Variants in FGFR2 observed in about 807,000 individuals in gnomAD.
FGFR2 encodes BEK fibroblast growth factor receptor.
A neutral mutation model predicts 95.9 loss-of-function variants in FGFR2; 19 were observed. The observed-to-expected ratio is 0.20, with a 90% confidence interval of 0.14 to 0.29. The LOEUF is 0.29. FGFR2 is among the 10% of genes least tolerant of loss of function. The pLI, the probability that FGFR2 is intolerant of heterozygous loss-of-function variation, is 1.00. For synonymous variants in FGFR2, 392 were observed against 393.3 expected (o/e 1.00, Z 0.04); for missense variants, 707 against 1,056.9 (o/e 0.67, Z 4.59).
At chr10:121,490,206 C>T (rs1391663613) in intron 13 of FGFR2, among the ~76,000 whole-genome samples, 5 of 128,182 alleles carry the variant, frequency 3.9e-5, no homozygotes, top group African/African-American at 1.5e-4. Context: ...TCTTGTTTCC[C>T]AGGCTAGAGT....
At chr10:121,578,330 C>A (rs1248227579) in intron 2 of FGFR2, among the ~76,000 whole-genome samples, 1 of 152,204 alleles carries the variant, frequency 6.6e-6, no homozygotes, top group South Asian at 2.1e-4. Context: ...TTCCCTCTAC[C>A]TACAAGCCCA....
chr10:121,503,888 T>A lies in FGFR2; in HGVS notation c.1341A>T (p.Ile447=), dbSNP rs2134061768. The change falls in exon 10 of 18, where the codon ATA becomes ATT. Residue 447 remains isoleucine, a synonymous_variant. Coordinates refer to ENST00000358487, the MANE Select transcript of FGFR2 (RefSeq NM_000141.5). ...SMNSNTPLVR[I]TTRLSSTADT... ...CTGCCGTTGAAGAGAGGCGTGTTGT[T>A]ATCCTCACCAGCGGGGTGTTGGAGT... The A allele has an allele frequency of 1.2e-6, 2 of 1,614,128 alleles. No homozygotes were observed. The highest frequency in any genetic ancestry group is 1.7e-6 in the Non-Finnish European group (2 of 1,180,014).
Position 121,569,129 on chromosome 10 carries a change from C to T in FGFR2, c.110-3425G>A, listed in dbSNP as rs529439987. The stretch of plus-strand genomic sequence containing the variant: ...TCACTATTACTGTTACTCTTCAAGG[C>T]GGAAGATGCTTGCCGTGATTTTTTA... On this transcript the variant is annotated intron_variant, in intron 2 of 17. Coordinates refer to ENST00000358487, the MANE Select transcript of FGFR2 (RefSeq NM_000141.5). Among the ~76,000 whole-genome samples, 11 of 152,136 alleles carry T rather than the reference C, an allele frequency of 7.2e-5. 1 individual carries two copies. The highest frequency in any genetic ancestry group is 2.1e-4 in the South Asian group (1 of 4,812).
intron 3 of FGFR2, 151 bp downstream of exon 3, chr10:121,565,287 G>T: frequency 1.1e-6 from 1 of 916,482 alleles, no homozygotes. Flanking sequence ...GGCCTTTCTG[G>T]TGCACCAGGT....
chr10:121,564,530 A>G lies in FGFR2; in HGVS notation c.426T>C (p.Asp142=), dbSNP rs1395409415. 1 of 1,614,022 alleles carries G rather than the reference A, an allele frequency of 6.2e-7. No homozygotes were observed. ...TGTTGTTACTGTTCTCACTGACAAAATCTTCCGCACCATCGGTGTCATCCT... is the reference window on the plus strand; with the variant it reads ...TGTTGTTACTGTTCTCACTGACAAAGTCTTCCGCACCATCGGTGTCATCCT... The part of the protein sequence containing the change: ...DDEDDTDGAE[D]FVSENSNNKR... The change falls in exon 4 of 18, where the codon GAT becomes GAC. Residue 142 remains aspartate, a synonymous_variant. Coordinates refer to ENST00000358487, the MANE Select transcript of FGFR2 (RefSeq NM_000141.5).
At chr10:121,552,898 C>G (rs897873977) in intron 4 of FGFR2, among the ~76,000 whole-genome samples, 1 of 152,198 alleles carries the variant, frequency 6.6e-6, no homozygotes, top group East Asian at 1.9e-4. Flanking sequence ...AGTTCACAAA[C>G]CCAAGGCAAA....
chr10:121,488,749 G>T (rs1845758432), intron 13 of FGFR2, among the ~76,000 whole-genome samples: 1 of 152,142 alleles, frequency 6.6e-6, no homozygotes, highest in Non-Finnish European at 1.5e-5. Flanking sequence ...AGCCACACCA[G>T]TGTCTTTCTT....
At chr10:121,498,738 C>T (rs1287280234) in intron 11 of FGFR2, 133 bp from the exon 12 acceptor site, 1 of 794,714 alleles carries the variant, frequency 1.3e-6, no homozygotes, top group East Asian at 2.6e-5. Context: ...TCCAAATCAT[C>T]TCCCTCATTT....
At chr10:121,506,706 T>C (rs904934532) in intron 9 of FGFR2, among the ~76,000 whole-genome samples, 4 of 152,064 alleles carry the variant, frequency 2.6e-5, no homozygotes, top group African/African-American at 4.8e-5. Context: ...CAGCGAGGTG[T>C]GAGAACAAGG....
At chr10:121,494,662 C>G (rs1391773030) in intron 13 of FGFR2, among the ~76,000 whole-genome samples, 2 of 152,136 alleles carry the variant, frequency 1.3e-5, no homozygotes, top group Non-Finnish European at 2.9e-5. Context: ...TACACCTACT[C>G]AATCACTTGC....
intron 2 of FGFR2, among the ~76,000 whole-genome samples, chr10:121,580,024 G>A (rs59577576): frequency 0.014 from 2,074 of 152,236 alleles, 49 homozygotes; most frequent in African/African-American, 0.047. Context: ...CAGCGGATAC[G>A]TTTGCCCTGT....
chr10:121,485,546 A>C lies in FGFR2; in HGVS notation c.2058-14T>G, dbSNP rs2133801796. The C allele has an allele frequency of 6.2e-7, 1 of 1,614,082 alleles. No individual in the cohort carries two copies. The highest frequency in any genetic ancestry group is 2.2e-5 in the East Asian group (1 of 44,868). On this transcript the variant is annotated splice_polypyrimidine_tract_variant and intron_variant, in intron 15 of 17. Coordinates refer to ENST00000358487, the MANE Select transcript of FGFR2 (RefSeq NM_000141.5). This position sits in a 1 kb window ranked among gnomAD's most constrained non-coding sequence, Gnocchi z 4.2. ...CCGAAGGACCAGCTGCAACAAAAGG[A>C]GAAAGCACGGCATTACTAACCCATC...
chr10:121,541,618 T>C (rs1450930919), intron 5 of FGFR2, among the ~76,000 whole-genome samples: 3 of 152,216 alleles, frequency 2.0e-5, no homozygotes, highest in African/African-American at 7.2e-5. Context: ...GTCTTTGCTT[T>C]CAGAGAAGAG....
chr10:121,513,154 G>T (rs766891178), intron 9 of FGFR2, among the ~76,000 whole-genome samples: 1 of 152,216 alleles, frequency 6.6e-6, no homozygotes, highest in African/African-American at 2.4e-5. Context: ...GATTACAGGC[G>T]TGAGCCACCA....
chr10:121,527,421 C>T (rs1249374262), intron 6 of FGFR2, among the ~76,000 whole-genome samples: 3 of 152,012 alleles, frequency 2.0e-5, no homozygotes, highest in Non-Finnish European at 4.4e-5. Flanking sequence ...AATTTACGTT[C>T]GAAATTGGTC....
At chr10:121,501,914 CA>C (rs1219150906) in intron 10 of FGFR2, among the ~76,000 whole-genome samples, 2 of 152,206 alleles carry the variant, frequency 1.3e-5, no homozygotes, top group Non-Finnish European at 2.9e-5. Flanking sequence ...ACAAGCATAA[CA>C]ATCCTTTCTT....
rs2133834570 is a variant in FGFR2 at position 121,487,997 on chromosome 10, G to T, written c.1980C>A (p.Thr660=). Residue 660 remains threonine (T), a synonymous_variant, in exon 14 of 18, where the codon ACC becomes ACA. Coordinates refer to ENST00000358487, the MANE Select transcript of FGFR2 (RefSeq NM_000141.5). ...GTTACTGCCATCGACTTACATTGGT[G>T]GTCTTTTTGTAATAGTCTATATTGT... The part of the protein sequence containing the change: ...DINNIDYYKK[T]TNGRLPVKWM... The T allele has an allele frequency of 6.2e-7, 1 of 1,613,942 alleles. No homozygotes were observed. Among genetic ancestry groups the T allele is most frequent in the African/African-American group, 1.3e-5 (1 of 74,976 alleles).
chr10:121,496,832 A>G (rs1405753062), intron 12 of FGFR2, 110 bp from the exon 13 acceptor site: 4 of 861,184 alleles, frequency 4.6e-6, no homozygotes, highest in African/African-American at 1.7e-5. Flanking sequence ...TTTTTTTTTT[A>G]AAGTTTAACA....
At chr10:121,499,003 G>A (rs139235473) in intron 11 of FGFR2, among the ~76,000 whole-genome samples, 236 of 152,272 alleles carry the variant, frequency 1.5e-3, no homozygotes, top group African/African-American at 5.2e-3. Flanking sequence ...CTACAGACTT[G>A]CTCCCGACCA....
Sources: allele counts gnomAD v4.1 joint callset (sites outside exome capture counted in the v4.1 genomes callset), GRCh38; gene constraint gnomAD v4.1.1; non-coding constraint Gnocchi (gnomAD v3.1); transcripts MANE v1.5; gene names NCBI Gene and HGNC (gene_info 2026-07-23, HGNC 2026-07-21).